Variants in PRKN observed in about 807,000 individuals in gnomAD.
PRKN encodes the protein E3 ubiquitin-protein ligase parkin.
PRKN carries 56 observed loss-of-function variants against 59.5 expected under a neutral mutation model. The observed-to-expected ratio is 0.94, with a 90% confidence interval of 0.76 to 1.18. PRKN has a LOEUF of 1.18. Among genes scored for constraint, PRKN ranks in the 50% most tolerant of loss-of-function variants. The pLI, the probability that PRKN is intolerant of heterozygous loss-of-function variation, is 0.00. For synonymous variants in PRKN, 250 were observed against 222.1 expected, an observed-to-expected ratio of 1.13 and a Z score of -1.12; for missense variants, 657 against 596.4, an observed-to-expected ratio of 1.10 and a Z score of -1.06.
intron 5 of PRKN, among the ~76,000 whole-genome samples, chr6:161,986,670 C>T (rs532901877): frequency 6.6e-6 from 1 of 152,106 alleles, no homozygotes; most frequent in South Asian, 2.1e-4. Flanking sequence ...AAGTCAGGTG[C>T]GACGAGAGCT....
At chr6:162,426,009 T>C (rs1789221852) in intron 2 of PRKN, among the ~76,000 whole-genome samples, 1 of 152,198 alleles carries the variant, frequency 6.6e-6, no homozygotes, top group Non-Finnish European at 1.5e-5. Context: ...GCAAGTAGAC[T>C]CATAGCATAC....
At chr6:161,950,193 C>T (rs1207136419) in intron 6 of PRKN, among the ~76,000 whole-genome samples, 2 of 152,140 alleles carry the variant, frequency 1.3e-5, no homozygotes, top group Admixed American at 6.6e-5. Flanking sequence ...TGGACATCCC[C>T]GTGAAATGGC....
At chr6:162,377,991 C>T (rs1302079864) in intron 2 of PRKN, among the ~76,000 whole-genome samples, 1 of 152,200 alleles carries the variant, frequency 6.6e-6, no homozygotes, top group Non-Finnish European at 1.5e-5. Flanking sequence ...TCTCTCCCAG[C>T]AGAGTGTGGG....
intron 4 of PRKN, among the ~76,000 whole-genome samples, chr6:162,094,223 T>C (rs1230079265): frequency 1.3e-5 from 2 of 152,006 alleles, no homozygotes; most frequent in African/African-American, 4.8e-5. Context: ...GGTGTGGTGG[T>C]TCATGCCTAT....
intron 4 of PRKN, among the ~76,000 whole-genome samples, chr6:162,071,457 C>T (rs1236088857): frequency 6.7e-6 from 1 of 150,040 alleles, no homozygotes; most frequent in African/African-American, 2.5e-5. Flanking sequence ...TTTACAGACA[C>T]CTAAACAATA....
At chr6:161,653,452 G>GGCAT (rs1372531489) in intron 7 of PRKN, among the ~76,000 whole-genome samples, 2 of 152,132 alleles carry the variant, frequency 1.3e-5, no homozygotes. Context: ...GGGTACTCAT[G>GGCAT]GCATGCTCCC....
rs1311985395 is a variant in PRKN, at chr6:161,348,627, C to T, written c.*1472G>A. 4.8e-6 allele frequency: 1 copy of T among 209,414 alleles called. No individual in the cohort carries two copies. The highest frequency in any genetic ancestry group is 9.7e-6 in the Non-Finnish European group (1 of 103,004). The allele number at this position is 209,414 out of a possible 1,614,324, so 13.0% of individuals were successfully genotyped here. ...AACTTGAGTTCATCCCCTCTCTTCCCTCCAGCAAGGATTTCAGTGCTACAT... is the reference window on the plus strand; with the variant it reads ...AACTTGAGTTCATCCCCTCTCTTCCTTCCAGCAAGGATTTCAGTGCTACAT... On this transcript the variant is annotated 3_prime_UTR_variant, in exon 12 of 12. Coordinates refer to ENST00000366898, the MANE Select transcript of PRKN (RefSeq NM_004562.3). The surrounding 1 kb of genome is among the most constrained non-coding windows in gnomAD (Gnocchi z 4.9).
intron 1 of PRKN, among the ~76,000 whole-genome samples, chr6:162,621,794 A>G (rs1223393544): frequency 1.3e-5 from 2 of 152,078 alleles, no homozygotes; most frequent in East Asian, 3.8e-4. Flanking sequence ...TTAAGTGTTC[A>G]GAGTTAATCT....
intron 2 of PRKN, among the ~76,000 whole-genome samples, chr6:162,295,749 G>A (rs778250994): frequency 6.6e-6 from 1 of 152,112 alleles, no homozygotes; most frequent in Non-Finnish European, 1.5e-5. Flanking sequence ...GAGCAAAGTG[G>A]GGCCTTACAC....
intron 1 of PRKN, among the ~76,000 whole-genome samples, chr6:162,471,925 G>C (rs984552988): frequency 6.6e-6 from 1 of 152,170 alleles, no homozygotes; most frequent in East Asian, 1.9e-4. Context: ...GATTGAAGAA[G>C]ATCTAACAGT....
In PRKN at chr6:161,751,256, C is replaced by T. The variant is rs148928634; in HGVS notation, c.871+34516G>A. ...AAGGACAAGATGAATAAATCTCTCTCTGTGTGTAGAACATCGTCTGTTTGG... is the reference window on the plus strand; with the variant it reads ...AAGGACAAGATGAATAAATCTCTCTTTGTGTGTAGAACATCGTCTGTTTGG... On this transcript the variant is annotated intron_variant, in intron 7 of 11. Transcript: ENST00000366898. Among the ~76,000 whole-genome samples, 341 of 152,316 alleles carry T rather than the reference C, an allele frequency of 2.2e-3. 1 individual carries two copies. The highest frequency in any genetic ancestry group is 8.0e-3 in the African/African-American group (332 of 41,582).
intron 4 of PRKN, among the ~76,000 whole-genome samples, chr6:162,160,230 C>G (rs1315703122): frequency 6.6e-6 from 1 of 152,102 alleles, no homozygotes. Context: ...CAATAAAAAA[C>G]AGGCAAAAGA....
intron 9 of PRKN, among the ~76,000 whole-genome samples, chr6:161,516,272 A>T (rs950325770): frequency 6.6e-6 from 1 of 151,638 alleles, no homozygotes; most frequent in Admixed American, 6.6e-5. Flanking sequence ...ACATGGTGAA[A>T]CCCCATCTCT....
At chr6:161,941,000 C>T (rs547368759) in intron 6 of PRKN, among the ~76,000 whole-genome samples, 22 of 152,286 alleles carry the variant, frequency 1.4e-4, no homozygotes, top group Middle Eastern at 3.4e-3. Flanking sequence ...TTGAAAGAGG[C>T]CATACTGATA....
chr6:161,953,248 A>T (rs1780052495), intron 6 of PRKN, among the ~76,000 whole-genome samples: 1 of 152,082 alleles, frequency 6.6e-6, no homozygotes, highest in African/African-American at 2.4e-5. Context: ...AGTAGCTAGG[A>T]CCACAGGTGT....
chr6:162,009,208 A>G lies in PRKN; in HGVS notation c.619-35791T>C, dbSNP rs199803847. Among the ~76,000 whole-genome samples, 5 of 151,716 alleles carry G rather than the reference A, an allele frequency of 3.3e-5. No individual in the cohort carries two copies. The East Asian group carries it at 9.7e-4, about 30-fold the overall frequency. On this transcript the variant is annotated intron_variant, in intron 5 of 11. Coordinates refer to ENST00000366898, the MANE Select transcript of PRKN (RefSeq NM_004562.3). ...GTGGAGGTTGCAGTGAGCTGAGATCACGCCACTGCACTCTAGCCTGGGTGA... is the reference window on the plus strand; with the variant it reads ...GTGGAGGTTGCAGTGAGCTGAGATCGCGCCACTGCACTCTAGCCTGGGTGA...
rs145039476 is a variant in PRKN, at chr6:161,436,105, G to A, written c.1084-49228C>T. 2.6e-3 allele frequency among the ~76,000 whole-genome samples: 296 copies of A among 112,872 alleles called. 10 individuals carry two copies. Among genetic ancestry groups the A allele is most frequent in the East Asian group, 0.025 (77 of 3,112 alleles). The allele number at this position is 112,872 out of a possible 152,430, so 74.0% of individuals were successfully genotyped here. A position where few individuals can be genotyped will look rare whatever the true frequency, so the allele number is the denominator to read the frequency against. Reference sequence around the variant, plus strand: ...AGGCAGAATGGGAGAGCAGAGAGCAGGGGAGGAGGATGGGAGAGACAGAGA... The same window carrying A: ...AGGCAGAATGGGAGAGCAGAGAGCAAGGGAGGAGGATGGGAGAGACAGAGA... On this transcript the variant is annotated intron_variant, in intron 9 of 11. Transcript: ENST00000366898.
At chr6:161,420,558 G>A (rs1432564711) in intron 9 of PRKN, among the ~76,000 whole-genome samples, 1 of 151,716 alleles carries the variant, frequency 6.6e-6, no homozygotes, top group African/African-American at 2.4e-5. Flanking sequence ...CTGTCACCCA[G>A]GCGGGAGTGC....
In PRKN at chr6:161,500,969, G is replaced by A. The variant is rs180938355; in HGVS notation, c.1083+47885C>T. Among the ~76,000 whole-genome samples, 70 of 148,336 alleles carry A rather than the reference G, an allele frequency of 4.7e-4. 1 individual carries two copies. The highest frequency in any genetic ancestry group is 1.7e-3 in the African/African-American group (67 of 39,950). On this transcript the variant is annotated intron_variant, in intron 9 of 11. Transcript: ENST00000366898. Reference sequence around the variant, plus strand: ...TGGCTCACTGCAACCTCCGCCTCCTGGGTTCAAGCGATTCTCCTGCCTCAG... The same window carrying A: ...TGGCTCACTGCAACCTCCGCCTCCTAGGTTCAAGCGATTCTCCTGCCTCAG...
Sources: allele counts gnomAD v4.1 joint callset (sites outside exome capture counted in the v4.1 genomes callset), GRCh38; gene constraint gnomAD v4.1.1; non-coding constraint Gnocchi (gnomAD v3.1); transcripts MANE v1.5; gene names NCBI Gene and HGNC (gene_info 2026-07-23, HGNC 2026-07-21).